The following PCDHA3 variants were observed in gnomAD, a reference collection of about 807,000 sequenced individuals.
PCDHA3 encodes the protein protocadherin alpha-3.
In PCDHA3, 41 loss-of-function variants were observed where a neutral mutation model predicts 62.2. The observed-to-expected ratio is 0.66, with a 90% CI of 0.51 to 0.86. The LOEUF is 0.86. Ranked by LOEUF, PCDHA3 falls within the 40% of genes least tolerant of loss-of-function variation. The pLI is 0.00. For synonymous variants in PCDHA3, 640 were observed against 555.4 expected, an observed-to-expected ratio of 1.15 and a Z score of -2.14; for missense variants, 1,304 against 1,241.2, an observed-to-expected ratio of 1.05 and a Z score of -0.76.
chr5:140,994,434 G>A (rs1238502710), intron 3 of PCDHA3, among the ~76,000 whole-genome samples: 1 of 152,156 alleles, frequency 6.6e-6, no homozygotes, highest in African/African-American at 2.4e-5. Flanking sequence ...CGGGCGCAGT[G>A]GCTCACACCT....
At chr5:140,972,750 G>A (rs2096554223) in intron 1 of PCDHA3, among the ~76,000 whole-genome samples, 2 of 143,042 alleles carry the variant, frequency 1.4e-5, no homozygotes, top group South Asian at 2.2e-4. Context: ...TGCAACCTCC[G>A]CCTCCCAAGT....
At chr5:140,838,881 C>A (rs2150293311) in intron 1 of PCDHA3, among the ~76,000 whole-genome samples, 1 of 151,836 alleles carries the variant, frequency 6.6e-6, no homozygotes, top group African/African-American at 2.4e-5. Flanking sequence ...TGCCACTGAA[C>A]TCCAGCCTAG....
chr5:140,862,620 G>T, intron 1 of PCDHA3: 1 of 528,384 alleles, frequency 1.9e-6, no homozygotes, highest in South Asian at 1.4e-5. Context: ...GTAACAACCC[G>T]CGGGGCTGCC....
intron 1 of PCDHA3, chr5:140,875,324 C>T (rs2055413972): frequency 3.5e-6 from 5 of 1,426,162 alleles, no homozygotes; most frequent in East Asian, 5.0e-5. Context: ...CAATCATTCA[C>T]GGAATAGGAT....
Position 140,801,947 on chromosome 5 carries a change from A to G in PCDHA3, c.750A>G (p.Arg250=). ...TTGAGAGGACGATCTATAAAGTCAG[A>G]TTACTCGAAAATGCACCAAATGGTA... The part of the protein sequence containing the change: ...PAFERTIYKV[R]LLENAPNGTL... The change falls in exon 1 of 4, where the codon AGA becomes AGG. Residue 250 remains arginine, a synonymous_variant. Transcript: ENST00000522353. The G allele has an allele frequency of 1.2e-6, 2 of 1,614,196 alleles. No homozygotes were observed. The highest frequency in any genetic ancestry group is 1.7e-6 in the Non-Finnish European group (2 of 1,180,036).
intron 1 of PCDHA3, chr5:140,871,457 GGGAAAGACA>G (rs782304525): frequency 6.2e-7 from 1 of 1,605,688 alleles, no homozygotes; most frequent in Non-Finnish European, 8.5e-7. Flanking sequence ...GAGGAGGAAG[GGGAAAGACA>G]GGAGCCAGGG....
chr5:140,855,813 T>A (rs2043631842), intron 1 of PCDHA3: 2 of 511,660 alleles, frequency 3.9e-6, no homozygotes. Flanking sequence ...AAAGAAAAGT[T>A]GTGAACTCAT....
chr5:140,822,140 T>A (rs2150114036), intron 1 of PCDHA3: 5 of 1,614,222 alleles, frequency 3.1e-6, no homozygotes, highest in Non-Finnish European at 4.2e-6. Flanking sequence ...GAGGTGGCAG[T>A]GAAGGACATC....
rs368118741 is a variant in PCDHA3 at position 140,801,633 on chromosome 5, C to G, written c.436C>G (p.Arg146Gly). The change falls in exon 1 of 4, where the codon CGA (arginine) becomes GGA (glycine). Residue 146 changes from arginine to glycine, a missense_variant. By Grantham distance (125) the Arg-to-Gly change is moderately radical (BLOSUM62 -2). Transcript: ENST00000522353. ...AAAGAATCTGTTTATTTCCGAATCC[C>G]GACAGCCTGGCTCTCGGTTTTCGCT... ...AVKNLFISES[R>G]QPGSRFSLEG... 10 of 1,614,106 alleles carry G rather than the reference C, an allele frequency of 6.2e-6. No individual in the cohort carries two copies. Among genetic ancestry groups the G allele is most frequent in the Non-Finnish European group, 8.5e-6 (10 of 1,180,030 alleles).
rs552517946 is a variant in PCDHA3 at position 140,913,359 on chromosome 5, A to G, written c.2395-65590A>G. Reference sequence around the variant, plus strand: ...TTTATCCATTTCCTCTAGATTTTTAAATTTATTGGCATATAGTGGCTCATC... The same window carrying G: ...TTTATCCATTTCCTCTAGATTTTTAGATTTATTGGCATATAGTGGCTCATC... On this transcript the variant is annotated intron_variant, in intron 1 of 3. Coordinates refer to ENST00000522353, the MANE Select transcript of PCDHA3 (RefSeq NM_018906.3). Among the ~76,000 whole-genome samples, 4 of 152,082 alleles carry G rather than the reference A, an allele frequency of 2.6e-5. No homozygotes were observed. In the East Asian group the frequency reaches 7.7e-4, roughly 29 times the overall value.
rs190903365 is a variant in PCDHA3 at position 140,812,400 on chromosome 5, C to T, written c.2394+8809C>T. On this transcript the variant is annotated intron_variant, in intron 1 of 3. Coordinates refer to ENST00000522353, the MANE Select transcript of PCDHA3 (RefSeq NM_018906.3). ...TTTTTTTCTTAGTCTAGCTAAGGGG[C>T]TTGTCAGTTTTGTTGTTTTTTCAAA... 5 of 151,904 alleles carry T rather than the reference C, an allele frequency of 3.3e-5. No homozygotes were observed. In the East Asian group the frequency reaches 9.7e-4, roughly 29 times the overall value. The allele number at this position is 151,904 out of a possible 1,614,324, so 9.4% of individuals were successfully genotyped here. A position where few individuals can be genotyped will look rare whatever the true frequency, so the allele number is the denominator to read the frequency against.
At chr5:140,877,207 G>C in intron 1 of PCDHA3, 3 of 1,613,796 alleles carry the variant, frequency 1.9e-6, no homozygotes, top group Non-Finnish European at 2.5e-6. Context: ...CGCAGTTAGC[G>C]AGTTGGTACC....
chr5:140,906,175 G>T (rs1177661963), intron 1 of PCDHA3, among the ~76,000 whole-genome samples: 18 of 152,058 alleles, frequency 1.2e-4, no homozygotes, highest in African/African-American at 4.1e-4. Flanking sequence ...ACAATACTTT[G>T]CATCCTTCAA....
intron 1 of PCDHA3, chr5:140,823,348 G>C (rs782629988): frequency 6.2e-7 from 1 of 1,612,340 alleles, no homozygotes. Flanking sequence ...GCTGGACCAC[G>C]AGGAAGTGGA....
chr5:140,884,096 G>T (rs782587372), intron 1 of PCDHA3: 1 of 1,613,580 alleles, frequency 6.2e-7, no homozygotes, highest in Non-Finnish European at 8.5e-7. Flanking sequence ...GCTTTCGTAT[G>T]AATTGCAGCT....
At chr5:140,852,582 A>ATT (rs2150518947) in intron 1 of PCDHA3, 15,949 of 691,778 alleles carry the variant, frequency 0.023, 320 homozygotes, top group Middle Eastern at 0.03. Context: ...AGGCTTTTTT[A>ATT]TTTTTTTTTT....
rs1247587764 is a variant in PCDHA3 at position 140,883,158 on chromosome 5, C to T, written c.2394+79567C>T. ...GTGGTATATGCATTTACCATAAATC[C>T]GAACAATGGAGAAATTAGGACAAAA... On this transcript the variant is annotated intron_variant, in intron 1 of 3. Coordinates refer to ENST00000522353, the MANE Select transcript of PCDHA3 (RefSeq NM_018906.3). The T allele has an allele frequency of 1.9e-6, 3 of 1,613,592 alleles. No individual in the cohort carries two copies. In the African/African-American group the frequency reaches 4.0e-5, roughly 22 times the overall value.
At chr5:140,828,655 C>T (rs1769872389) in intron 1 of PCDHA3, 1 of 1,613,992 alleles carries the variant, frequency 6.2e-7, no homozygotes, top group Non-Finnish European at 8.5e-7. Context: ...ACAGTGATGA[C>T]AATAAACAAA....
intron 1 of PCDHA3, among the ~76,000 whole-genome samples, chr5:140,956,484 A>G (rs868955895): frequency 1.3e-5 from 2 of 152,226 alleles, no homozygotes; most frequent in South Asian, 2.1e-4. Flanking sequence ...CCAGTCTTGC[A>G]TCCCAGGGAT....
Sources: gnomAD v4.1 joint callset for allele counts (sites outside exome capture counted in the v4.1 genomes callset) on GRCh38, gnomAD v4.1.1 for gene constraint, MANE v1.5 for transcripts, NCBI Gene and HGNC (gene_info 2026-07-23, HGNC 2026-07-21) for gene names.